Variants in TMEM161B observed in about 807,000 individuals in gnomAD.
The protein encoded by TMEM161B is transmembrane protein 161B.
A neutral mutation model predicts 61.8 loss-of-function variants in TMEM161B; 34 were observed. The observed-to-expected ratio is 0.55, with a 90% CI of 0.42 to 0.73. The LOEUF is 0.73. Among genes scored for constraint, TMEM161B ranks in the 30% least tolerant of loss-of-function variants. The pLI, the probability that TMEM161B is intolerant of heterozygous loss-of-function variation, is 0.00. For synonymous variants in TMEM161B, 167 were observed against 192.8 expected (o/e 0.87, Z 1.11); for missense variants, 456 against 558.5 (o/e 0.82, Z 1.85).
At chr5:88,230,820 G>A (rs1750865235) in intron 2 of TMEM161B, among the ~76,000 whole-genome samples, 2 of 152,128 alleles carry the variant, frequency 1.3e-5, no homozygotes, top group Admixed American at 6.5e-5. Flanking sequence ...GAGTGTAGAA[G>A]TATCTTTGTT....
intron 8 of TMEM161B, among the ~76,000 whole-genome samples, chr5:88,205,169 T>C (rs781341997): frequency 2.0e-5 from 3 of 152,142 alleles, no homozygotes; most frequent in East Asian, 1.9e-4. Flanking sequence ...ACAAAGAATA[T>C]AGTAAATGGG....
At chr5:88,213,923 G>T (rs1180701302) in intron 5 of TMEM161B, among the ~76,000 whole-genome samples, 1 of 152,138 alleles carries the variant, frequency 6.6e-6, no homozygotes, top group Non-Finnish European at 1.5e-5. Flanking sequence ...GTTTACTTCA[G>T]GGTATAATGT....
chr5:88,268,352 T>C (rs560783880), intron 1 of TMEM161B, among the ~76,000 whole-genome samples: 3 of 152,190 alleles, frequency 2.0e-5, no homozygotes, highest in Non-Finnish European at 4.4e-5. Context: ...CTGAAGTTCT[T>C]GGCCACTGTT....
intron 4 of TMEM161B, 59 bp from the exon 5 acceptor site, chr5:88,220,778 T>C (rs1296940517): frequency 2.0e-6 from 3 of 1,483,660 alleles, no homozygotes. Flanking sequence ...TTCACTTACA[T>C]TTTCATAAAT....
intron 9 of TMEM161B, chr5:88,202,428 A>G (rs1744591480): frequency 6.2e-6 from 1 of 161,952 alleles, no homozygotes; most frequent in South Asian, 1.4e-4. Context: ...TTATATAGGA[A>G]AATATCCTTA....
At chr5:88,238,546 T>TA (rs1033557659) in intron 2 of TMEM161B, among the ~76,000 whole-genome samples, 2 of 151,460 alleles carry the variant, frequency 1.3e-5, no homozygotes, top group Non-Finnish European at 3.0e-5. Flanking sequence ...TTCATAGTTG[T>TA]AAAAAAAAAT....
At position 88,207,176 on chromosome 5, in the gene TMEM161B, C is replaced by T; in HGVS notation, c.451G>A (p.Val151Ile). ...TAGTGTGTAGTTAATGAAAATAGAACTTTGCTGCAGAAGGAAAAGTTCAGG... is the reference window on the plus strand; with the variant it reads ...TAGTGTGTAGTTAATGAAAATAGAATTTTGCTGCAGAAGGAAAAGTTCAGG... ...CLLVLSFAIK[V>I]LFSLTTHYFK... Residue 151 changes from valine (V) to isoleucine (I), a missense_variant, in exon 6 of 12, where the codon GTT becomes ATT. Transcript: ENST00000296595. The T allele has an allele frequency of 3.1e-6, 5 of 1,604,930 alleles. No homozygotes were observed. Among genetic ancestry groups the T allele is most frequent in the Non-Finnish European group, 4.2e-6 (5 of 1,177,248 alleles).
intron 1 of TMEM161B, among the ~76,000 whole-genome samples, chr5:88,263,320 C>T (rs1245069792): frequency 6.6e-6 from 1 of 152,108 alleles, no homozygotes; most frequent in African/African-American, 2.4e-5. Flanking sequence ...GATCATCAGC[C>T]TCTCCCAATA....
chr5:88,226,600 T>C (rs17468356), intron 3 of TMEM161B, among the ~76,000 whole-genome samples: 10,303 of 152,186 alleles, frequency 0.068, 487 homozygotes, highest in Non-Finnish European at 0.097. Flanking sequence ...TTCAACTAAG[T>C]TTTAATAATA....
At chr5:88,248,928 T>G (rs1753972081) in intron 1 of TMEM161B, among the ~76,000 whole-genome samples, 1 of 152,144 alleles carries the variant, frequency 6.6e-6, no homozygotes, top group South Asian at 2.1e-4. Flanking sequence ...CTTTTAAGCC[T>G]TCTTTTTTTT....
chr5:88,217,456 C>G (rs1313255119), intron 5 of TMEM161B, among the ~76,000 whole-genome samples: 2 of 151,472 alleles, frequency 1.3e-5, no homozygotes, highest in Non-Finnish European at 2.9e-5. Flanking sequence ...AGAAATTTGA[C>G]TTTTTACTGC....
intron 10 of TMEM161B, 65 bp downstream of exon 10, chr5:88,198,911 A>AT (rs879145931): frequency 0.084 from 101,421 of 1,203,556 alleles, 22 homozygotes; most frequent in Non-Finnish European, 0.09. Context: ...AAGGAAACCA[A>AT]TTTTTTTTTT....
downstream of TMEM161B, among the ~76,000 whole-genome samples, chr5:88,189,272 T>C (rs560275390): frequency 6.6e-5 from 10 of 152,236 alleles, no homozygotes; most frequent in African/African-American, 2.4e-4. Flanking sequence ...GTCCTTACTG[T>C]ACAAGTCCAA....
chr5:88,268,548 T>C (rs567693441), intron 1 of TMEM161B, among the ~76,000 whole-genome samples, 173 bp downstream of exon 1: 1 of 152,312 alleles, frequency 6.6e-6, no homozygotes, highest in African/African-American at 2.4e-5. Context: ...GGCGTAATGC[T>C]GCTTCCTCAG....
intron 5 of TMEM161B, among the ~76,000 whole-genome samples, chr5:88,207,751 A>C (rs940664092): frequency 2.0e-5 from 3 of 152,208 alleles, no homozygotes; most frequent in African/African-American, 7.2e-5. Flanking sequence ...GAACCACCCC[A>C]ACACACACAA....
intron 5 of TMEM161B, among the ~76,000 whole-genome samples, chr5:88,214,202 C>T (rs188363313): frequency 7.2e-5 from 11 of 152,036 alleles, no homozygotes; most frequent in South Asian, 4.2e-4. Flanking sequence ...TGCCTGGCAA[C>T]GAAAGAAAAT....
intron 1 of TMEM161B, among the ~76,000 whole-genome samples, chr5:88,264,163 A>C (rs1756049113): frequency 1.3e-5 from 2 of 152,150 alleles, no homozygotes; most frequent in Non-Finnish European, 2.9e-5. Flanking sequence ...AAAAAAAAAA[A>C]CAAAACTTAA....
intron 8 of TMEM161B, among the ~76,000 whole-genome samples, chr5:88,204,899 G>C (rs114387660): frequency 0.016 from 2,397 of 151,844 alleles, 60 homozygotes; most frequent in African/African-American, 0.055. Flanking sequence ...ACAGGTAAGA[G>C]AGACAAGAAT....
chr5:88,225,454 G>A (rs1456125221), intron 4 of TMEM161B, among the ~76,000 whole-genome samples: 1 of 152,098 alleles, frequency 6.6e-6, no homozygotes, highest in Non-Finnish European at 1.5e-5. Context: ...AGCCACATTA[G>A]AAAAGGGCAG....
Sources: allele counts gnomAD v4.1 joint callset (sites outside exome capture counted in the v4.1 genomes callset), GRCh38; gene constraint gnomAD v4.1.1; transcripts MANE v1.5; gene names NCBI Gene and HGNC (gene_info 2026-07-23, HGNC 2026-07-21).